Variants in PRSS35 observed in about 807,000 individuals in gnomAD.
PRSS35 encodes serine protease 35, also known as inactive serine protease 35.
Under a neutral mutation model 8.1 loss-of-function variants are expected in PRSS35, and 7 were observed. The ratio of observed to expected loss-of-function variants is 0.86; its 90% CI spans 0.49 to 1.62. The LOEUF is 1.62. PRSS35 is among the 40% of genes most tolerant of loss of function. The probability of loss-of-function intolerance (pLI) is 0.00; values close to 1 mark genes in which losing one functional copy is unlikely to be tolerated. For missense variants in PRSS35, 566 were observed against 518.0 expected, an observed-to-expected ratio of 1.09 and a Z score of -0.90; for synonymous variants, 199 against 188.7, an observed-to-expected ratio of 1.05 and a Z score of -0.45.
chr6:83,516,818 A>T (rs1250147851), intron 1 of PRSS35, among the ~76,000 whole-genome samples: 2 of 151,892 alleles, frequency 1.3e-5, no homozygotes, highest in Non-Finnish European at 2.9e-5. Flanking sequence ...CCCACTCTTA[A>T]CCCGTCTGCC....
In PRSS35 at chr6:83,524,364, A is replaced by G. The variant is rs1045099749; in HGVS notation, c.923A>G (p.His308Arg). ...AAGAAAATGCCTGGTGGAATGATCCACTTCTCAGGATTTGATAACGATAGG... is the reference window on the plus strand; with the variant it reads ...AAGAAAATGCCTGGTGGAATGATCCGCTTCTCAGGATTTGATAACGATAGG... Reference protein sequence around the residue: ...TIKKMPGGMIHFSGFDNDRAD... With the variant: ...TIKKMPGGMIRFSGFDNDRAD... Residue 308 changes from histidine (H) to arginine (R), a missense_variant, in exon 2 of 2, where the codon CAC (histidine) becomes CGC (arginine). Physicochemically the swap from His to Arg is conservative, Grantham distance 29. Transcript: ENST00000369700. 7.4e-6 allele frequency: 12 copies of G among 1,614,148 alleles called. No individual in the cohort carries two copies. Among genetic ancestry groups the G allele is most frequent in the Non-Finnish European group, 8.5e-6 (10 of 1,180,040 alleles).
intron 1 of PRSS35, among the ~76,000 whole-genome samples, chr6:83,514,716 TG>T (rs1562032352): frequency 1.3e-5 from 2 of 152,158 alleles, no homozygotes; most frequent in African/African-American, 4.8e-5. Context: ...GTGGCACATT[TG>T]GGGGACTAGT....
At chr6:83,523,301 G>T in intron 1 of PRSS35, 121 bp from the exon 2 acceptor site, 1 of 720,582 alleles carries the variant, frequency 1.4e-6, no homozygotes. Context: ...ATCTAGGTAA[G>T]GTGAAAATAA....
In PRSS35 at chr6:83,524,371, A is replaced by G; in HGVS notation, c.930A>G (p.Ser310=). The change falls in exon 2 of 2, where the codon TCA becomes TCG. Residue 310 remains serine, a synonymous_variant. Coordinates refer to ENST00000369700, the MANE Select transcript of PRSS35 (RefSeq NM_153362.3). ...TGCCTGGTGGAATGATCCACTTCTC[A>G]GGATTTGATAACGATAGGGCTGATC... ...KKMPGGMIHF[S]GFDNDRADQL... 1 of 1,614,214 alleles carries G rather than the reference A, an allele frequency of 6.2e-7. No individual in the cohort carries two copies. Among genetic ancestry groups the G allele is most frequent in the South Asian group, 1.1e-5 (1 of 91,082 alleles).
At chr6:83,517,404 T>C (rs1771743456) in intron 1 of PRSS35, among the ~76,000 whole-genome samples, 1 of 152,206 alleles carries the variant, frequency 6.6e-6, no homozygotes, top group African/African-American at 2.4e-5. Context: ...AGCGCCTCAG[T>C]GGATCAGGAA....
At chr6:83,518,639 T>A (rs975175292) in intron 1 of PRSS35, among the ~76,000 whole-genome samples, 2 of 152,126 alleles carry the variant, frequency 1.3e-5, no homozygotes, top group African/African-American at 4.8e-5. Flanking sequence ...TTAGAGTGAG[T>A]TGGAAACTAT....
chr6:83,523,777 C>T lies in PRSS35; in HGVS notation c.336C>T (p.Thr112=). 1 of 1,614,144 alleles carries T rather than the reference C, an allele frequency of 6.2e-7. No individual in the cohort carries two copies. The highest frequency in any genetic ancestry group is 1.6e-4 in the Middle Eastern group (1 of 6,062). The part of the protein sequence containing the change: ...DLVLEPTQNI[T]TKGVSVRRKR... The stretch of plus-strand genomic sequence containing the variant: ...TTCTTGAGCCGACTCAAAATATCAC[C>T]ACAAAGGGAGTATCTGTTAGGAGAA... Residue 112 remains threonine (T), a synonymous_variant, in exon 2 of 2, where the codon ACC becomes ACT. Transcript: ENST00000369700.
chr6:83,520,517 G>A (rs900183857), intron 1 of PRSS35, among the ~76,000 whole-genome samples: 15 of 151,980 alleles, frequency 9.9e-5, no homozygotes, highest in African/African-American at 3.6e-4. Flanking sequence ...TCCTTTTGGC[G>A]AGCAACCAAG....
At chr6:83,516,112 C>T (rs924316903) in intron 1 of PRSS35, among the ~76,000 whole-genome samples, 1 of 151,848 alleles carries the variant, frequency 6.6e-6, no homozygotes, top group African/African-American at 2.4e-5. Flanking sequence ...ACAGCCTCCG[C>T]CACTCCCTAC....
At chr6:83,513,805 A>T (rs1771666105) in intron 1 of PRSS35, among the ~76,000 whole-genome samples, 1 of 152,232 alleles carries the variant, frequency 6.6e-6, no homozygotes, top group Non-Finnish European at 1.5e-5. Flanking sequence ...TTTAGCATAT[A>T]CTTGGCATAC....
chr6:83,518,465 G>A (rs1771762328), intron 1 of PRSS35, among the ~76,000 whole-genome samples: 1 of 152,022 alleles, frequency 6.6e-6, no homozygotes, highest in Non-Finnish European at 1.5e-5. Flanking sequence ...AGTGTTTTGT[G>A]GCTGCATAGT....
rs920919079 is a variant in PRSS35, at chr6:83,524,755, C to T, written c.*72C>T. ...CCAGCTCTGCTTACCGTAGTGAGAT[C>T]ACTTCATAGGTTATGCCTGGACTTG... is the stretch of plus-strand genomic sequence containing the variant. On this transcript the variant is annotated 3_prime_UTR_variant, in exon 2 of 2. Transcript: ENST00000369700. 4 of 1,429,846 alleles carry T rather than the reference C, an allele frequency of 2.8e-6. No homozygotes were observed. The highest frequency in any genetic ancestry group is 4.7e-5 in the East Asian group (2 of 42,972). The allele number at this position is 1,429,846 out of a possible 1,614,324, so 88.6% of individuals were successfully genotyped here. A position where few individuals can be genotyped will look rare whatever the true frequency, so the allele number is the denominator to read the frequency against.
rs202217440 is a variant in PRSS35 at position 83,524,667 on chromosome 6, A to G, written c.1226A>G (p.Asn409Ser). 54 of 1,609,260 alleles carry G rather than the reference A, an allele frequency of 3.4e-5. No homozygotes were observed. Among genetic ancestry groups the G allele is most frequent in the South Asian group, 7.8e-5 (7 of 89,818 alleles). Residue 409 changes from asparagine to serine, a missense_variant, in exon 2 of 2, where the codon AAT becomes AGT. Coordinates refer to ENST00000369700, the MANE Select transcript of PRSS35 (RefSeq NM_153362.3). ...CTCTGGATTCACGGGAACGATGCCA[A>G]TTGTGCTTACGGCTAACAGAGACCT... ...ICLWIHGNDA[N>S]CAYG
In PRSS35 at chr6:83,518,730, G is replaced by A. The variant is rs577545529; in HGVS notation, c.-20-4692G>A. 1.2e-3 allele frequency among the ~76,000 whole-genome samples: 187 copies of A among 152,246 alleles called. 1 individual carries two copies. Among genetic ancestry groups the A allele is most frequent in the African/African-American group, 4.3e-3 (180 of 41,540 alleles). ...CTAATTTTGGCTTATATAACAACCT[G>A]TTTTGAAGTGATACAAATTCACCAA... is the stretch of plus-strand genomic sequence containing the variant. On this transcript the variant is annotated intron_variant, in intron 1 of 1. Coordinates refer to ENST00000369700, the MANE Select transcript of PRSS35 (RefSeq NM_153362.3).
Position 83,525,437 on chromosome 6 carries a change from A to G in PRSS35, c.*754A>G, listed in dbSNP as rs1583461699. ...TTTTTATTTAACTAATACTCAAAAT[A>G]TGGACTTTTCATGTATGCATAGGGA... On this transcript the variant is annotated 3_prime_UTR_variant, in exon 2 of 2. Transcript: ENST00000369700. The G allele has an allele frequency of 6.0e-6, 1 of 167,074 alleles. No homozygotes were observed. Among genetic ancestry groups the G allele is most frequent in the Non-Finnish European group, 1.5e-5 (1 of 68,120 alleles). 10.3% of individuals were successfully genotyped at this position (167,074 alleles called of 1,614,324 possible).
rs1023502069 is a variant in PRSS35 at position 83,521,313 on chromosome 6, C to T, written c.-20-2109C>T. ...TACTGAGTTGTGAGCCTTTTTCATT[C>T]TAATTAAATAAACTTGATGAAATAC... On this transcript the variant is annotated intron_variant, in intron 1 of 1. Coordinates refer to ENST00000369700, the MANE Select transcript of PRSS35 (RefSeq NM_153362.3). 9.2e-5 allele frequency among the ~76,000 whole-genome samples: 14 copies of T among 151,566 alleles called. 1 individual carries two copies. The highest frequency in any genetic ancestry group is 4.2e-4 in the South Asian group (2 of 4,802).
At chr6:83,517,694 GGCATGTCTTCACATTTAGGTAT>G (rs1771749046) in intron 1 of PRSS35, among the ~76,000 whole-genome samples, 1 of 152,260 alleles carries the variant, frequency 6.6e-6, no homozygotes, top group East Asian at 1.9e-4. Flanking sequence ...AGGAAATGAG[GGCATGTCTTCACATTTAGGTAT>G]GCATGTAAAC....
intron 1 of PRSS35, among the ~76,000 whole-genome samples, 163 bp downstream of exon 1, chr6:83,512,857 G>A (rs1263714867): frequency 2.0e-5 from 3 of 152,126 alleles, no homozygotes; most frequent in Non-Finnish European, 4.4e-5. Flanking sequence ...CTTCCCATAG[G>A]CAATTCTGTG....
chr6:83,524,457 G>A lies in PRSS35; in HGVS notation c.1016G>A (p.Cys339Tyr), dbSNP rs2127714280. The change falls in exon 2 of 2, where the codon TGC becomes TAC. Residue 339 changes from cysteine to tyrosine, a missense_variant. Physicochemically the swap from Cys to Tyr is radical, Grantham distance 194. Coordinates refer to ENST00000369700, the MANE Select transcript of PRSS35 (RefSeq NM_153362.3). ...TCCAATGATCTCCTTTACCAATACT[G>A]CGATGCTGAGTCGGGCTCCACCGGT... is the stretch of plus-strand genomic sequence containing the variant. Reference protein sequence around the residue: ...DESNDLLYQYCDAESGSTGSG... With the variant: ...DESNDLLYQYYDAESGSTGSG... 6.2e-7 allele frequency: 1 copy of A among 1,614,042 alleles called. No homozygotes were observed. Among genetic ancestry groups the A allele is most frequent in the East Asian group, 2.2e-5 (1 of 44,870 alleles).
Sources: gnomAD v4.1 joint callset for allele counts (sites outside exome capture counted in the v4.1 genomes callset) on GRCh38, gnomAD v4.1.1 for gene constraint, MANE v1.5 for transcripts, NCBI Gene and HGNC (gene_info 2026-07-23, HGNC 2026-07-21) for gene names.